Variants in NKAIN1 observed in about 807,000 individuals in gnomAD.
NKAIN1 encodes the protein sodium/potassium transporting ATPase interacting 1, also known as sodium/potassium-transporting ATPase subunit beta-1-interacting protein 1.
A neutral mutation model predicts 31.6 loss-of-function variants in NKAIN1; 13 were observed. That is an observed-to-expected ratio of 0.41 (90% confidence interval 0.27 to 0.65). The LOEUF (loss-of-function observed/expected upper bound fraction) is 0.65, where lower values mean the gene tolerates loss of function less well. NKAIN1 is among the 30% of genes least tolerant of loss of function. The probability of loss-of-function intolerance (pLI) is 0.30; values close to 1 mark genes in which losing one functional copy is unlikely to be tolerated. For synonymous variants in NKAIN1, 104 were observed against 109.0 expected (o/e 0.95, Z 0.28); for missense variants, 193 against 262.2 (o/e 0.74, Z 1.82).
chr1:31,196,512 CAAAA>C (rs58194598), intron 1 of NKAIN1, among the ~76,000 whole-genome samples: 1 of 91,378 alleles, frequency 1.1e-5, no homozygotes, highest in South Asian at 4.2e-4. Context: ...GACTCCTACT[CAAAA>C]AAAAAAAAAA....
intron 1 of NKAIN1, among the ~76,000 whole-genome samples, chr1:31,218,063 T>TCTTTCTTTCTTC (rs1645530518): frequency 6.9e-6 from 1 of 144,752 alleles, no homozygotes; most frequent in Non-Finnish European, 1.5e-5. Context: ...TTTCTTTCTT[T>TCTTTCTTTCTTC]CTTTCTTTTT....
intron 1 of NKAIN1, among the ~76,000 whole-genome samples, chr1:31,209,894 G>A (rs1051580176): frequency 1.3e-5 from 2 of 151,698 alleles, no homozygotes; most frequent in African/African-American, 4.8e-5. Flanking sequence ...TGCTGAGGTG[G>A]GAGGATCCCT....
intron 1 of NKAIN1, among the ~76,000 whole-genome samples, chr1:31,231,917 T>TTTAA (rs1645652835): frequency 6.6e-6 from 1 of 151,684 alleles, no homozygotes; most frequent in Admixed American, 6.6e-5. Context: ...CTAGCTTTTT[T>TTTAA]TTTTTTTTTA....
intron 1 of NKAIN1, among the ~76,000 whole-genome samples, chr1:31,228,093 G>A (rs960249986): frequency 4.6e-5 from 7 of 152,184 alleles, no homozygotes; most frequent in East Asian, 1.9e-4. Context: ...ATTAGGGAGC[G>A]CGCTGAGTAG....
chr1:31,230,407 C>G (rs1645638744), intron 1 of NKAIN1, among the ~76,000 whole-genome samples: 1 of 152,238 alleles, frequency 6.6e-6, no homozygotes, highest in African/African-American at 2.4e-5. Flanking sequence ...AGCCCGGGTT[C>G]TTCCCAGTTC....
intron 1 of NKAIN1, among the ~76,000 whole-genome samples, chr1:31,200,459 T>TC (rs370123498): frequency 0.04 from 579 of 14,356 alleles, 35 homozygotes; most frequent in East Asian, 0.27. Flanking sequence ...CTCCTCTCTC[T>TC]TTTTTTTTTT....
At chr1:31,220,754 C>CAAAAAAAAAA in intron 1 of NKAIN1, among the ~76,000 whole-genome samples, 1 of 58,912 alleles carries the variant, frequency 1.7e-5, no homozygotes, top group Non-Finnish European at 3.3e-5. Context: ...ACTCCATCTC[C>CAAAAAAAAAA]AAAAAAAAAA....
At chr1:31,215,031 G>A (rs1645500312) in intron 1 of NKAIN1, among the ~76,000 whole-genome samples, 1 of 152,190 alleles carries the variant, frequency 6.6e-6, no homozygotes, top group Non-Finnish European at 1.5e-5. Context: ...GGAGCCCGGA[G>A]GTCATTTGTT....
intron 2 of NKAIN1, 43 bp from the exon 3 acceptor site, chr1:31,185,370 G>A (rs763755273): frequency 6.7e-7 from 1 of 1,501,630 alleles, no homozygotes; most frequent in Admixed American, 1.9e-5. Flanking sequence ...CCTGGGGAGT[G>A]GGGGATGGGG....
intron 1 of NKAIN1, among the ~76,000 whole-genome samples, chr1:31,195,490 T>C (rs529706096): frequency 6.8e-4 from 103 of 152,110 alleles, no homozygotes; most frequent in Non-Finnish European, 1.3e-3. Flanking sequence ...CCACCTGCAC[T>C]CTGGATCCAG....
chr1:31,229,961 C>T (rs966602276), intron 1 of NKAIN1, among the ~76,000 whole-genome samples: 5 of 152,294 alleles, frequency 3.3e-5, no homozygotes, highest in East Asian at 3.9e-4. Flanking sequence ...CCTGTGCCCA[C>T]GGCTCTCCCT....
chr1:31,235,174 G>C (rs995997111), intron 1 of NKAIN1, among the ~76,000 whole-genome samples: 15 of 152,086 alleles, frequency 9.9e-5, no homozygotes, highest in Admixed American at 2.6e-4. Context: ...GAAATTGATG[G>C]GGATTCCCTA....
intron 1 of NKAIN1, among the ~76,000 whole-genome samples, chr1:31,203,761 T>G (rs539758948): frequency 6.6e-6 from 1 of 152,136 alleles, no homozygotes; most frequent in Non-Finnish European, 1.5e-5. Flanking sequence ...ATTTCTGTAT[T>G]TTTAGTAGAG....
intron 1 of NKAIN1, among the ~76,000 whole-genome samples, chr1:31,212,381 C>T (rs971162644): frequency 6.7e-6 from 1 of 149,370 alleles, no homozygotes; most frequent in Non-Finnish European, 1.5e-5. Flanking sequence ...ATCTGTATTA[C>T]TCTGGATTAG....
At chr1:31,185,152 G>A in intron 3 of NKAIN1, 95 bp downstream of exon 3, 1 of 943,350 alleles carries the variant, frequency 1.1e-6, no homozygotes, top group Non-Finnish European at 1.7e-6. Flanking sequence ...ACTTCTTCGA[G>A]ACATGATGCT....
Position 31,201,408 on chromosome 1 carries a change from G to A in NKAIN1, c.55-13221C>T, listed in dbSNP as rs905636478. Among the ~76,000 whole-genome samples, 16 of 150,278 alleles carry A rather than the reference G, an allele frequency of 1.1e-4. 1 individual carries two copies. The highest frequency in any genetic ancestry group is 3.4e-4 in the African/African-American group (14 of 40,874). On this transcript the variant is annotated intron_variant, in intron 1 of 6. Transcript: ENST00000373736. ...GAGTCTCTCTCTGTCGCCGAGGCTGGAGTGCAGTGGCACTATCTCAGCTCA... is the reference window on the plus strand; with the variant it reads ...GAGTCTCTCTCTGTCGCCGAGGCTGAAGTGCAGTGGCACTATCTCAGCTCA...
chr1:31,200,773 A>G (rs1645374142), intron 1 of NKAIN1, among the ~76,000 whole-genome samples: 1 of 151,388 alleles, frequency 6.6e-6, no homozygotes. Flanking sequence ...ACATTTATTT[A>G]TCTCCTATTT....
chr1:31,200,751 C>T lies in NKAIN1; in HGVS notation c.55-12564G>A, dbSNP rs374337660. 7.2e-5 allele frequency among the ~76,000 whole-genome samples: 11 copies of T among 152,264 alleles called. No homozygotes were observed. The East Asian group carries it at 1.5e-3, about 21-fold the overall frequency. On this transcript the variant is annotated intron_variant, in intron 1 of 6. Transcript: ENST00000373736. The stretch of plus-strand genomic sequence containing the variant: ...GTGTTGGGATTACAGGTGTGAGCCA[C>T]TGTGCCCGGCCACATTTATTTATCT...
chr1:31,232,427 A>ATATATATATATATATG lies in NKAIN1; in HGVS notation c.54+7066_54+7067insCATATATATATATATA, dbSNP rs1645659789. Among the ~76,000 whole-genome samples, 2 of 44,938 alleles carry ATATATATATATATATG rather than the reference A, an allele frequency of 4.5e-5. 1 individual carries two copies. The allele number at this position is 44,938 out of a possible 152,430, so 29.5% of individuals were successfully genotyped here. ...TATATATATATATATATATATATAG[A>ATATATATATATATATG]GAGAGAGAGAGAGAGAGAGAGAGAG... On this transcript the variant is annotated intron_variant, in intron 1 of 6. Transcript: ENST00000373736.
Sources: allele counts gnomAD v4.1 joint callset (sites outside exome capture counted in the v4.1 genomes callset), GRCh38; gene constraint gnomAD v4.1.1; transcripts MANE v1.5; gene names NCBI Gene and HGNC (gene_info 2026-07-23, HGNC 2026-07-21).